CADM2: variants seen among roughly 807,000 people sequenced by gnomAD.
The protein encoded by CADM2 is immunoglobulin superfamily member 4D.
Under a neutral mutation model 49.8 loss-of-function variants are expected in CADM2, and 12 were observed. That is an observed-to-expected ratio of 0.24 (90% CI 0.15 to 0.39). The LOEUF is 0.39. Ranked by LOEUF, CADM2 falls within the 10% of genes least tolerant of loss-of-function variation. The pLI is 1.00. For synonymous variants in CADM2, 214 were observed against 175.4 expected (o/e 1.22, Z -1.74); for missense variants, 378 against 492.3 (o/e 0.77, Z 2.20).
intron 1 of CADM2, among the ~76,000 whole-genome samples, chr3:85,695,968 T>C (rs1202369968): frequency 6.6e-6 from 1 of 152,168 alleles, no homozygotes; most frequent in African/African-American, 2.4e-5. Flanking sequence ...AGATATTATA[T>C]AATTGTGTTT....
rs112987760 is a variant in CADM2 at position 85,295,422 on chromosome 3, G to A, written c.61+335754G>A. 4.4e-3 allele frequency among the ~76,000 whole-genome samples: 663 copies of A among 152,142 alleles called. 3 individuals are homozygous for A. Among genetic ancestry groups the A allele is most frequent in the African/African-American group, 0.014 (588 of 41,498 alleles). ...TCTAGAACTAGAAATACCATTTGACGCAGCCATCCCATTACTGGGTATATA... is the reference window on the plus strand; with the variant it reads ...TCTAGAACTAGAAATACCATTTGACACAGCCATCCCATTACTGGGTATATA... On this transcript the variant is annotated intron_variant, in intron 1 of 9. Coordinates refer to ENST00000383699, the MANE Select transcript of CADM2 (RefSeq NM_001167675.2).
At chr3:85,020,270 A>G (rs2034437710) in intron 1 of CADM2, among the ~76,000 whole-genome samples, 1 of 152,186 alleles carries the variant, frequency 6.6e-6, no homozygotes, top group South Asian at 2.1e-4. Flanking sequence ...GCCATCCAGT[A>G]CAGTCCTTTA....
chr3:85,654,390 A>C (rs1559572374), intron 1 of CADM2, among the ~76,000 whole-genome samples: 1 of 152,200 alleles, frequency 6.6e-6, no homozygotes, highest in African/African-American at 2.4e-5. Flanking sequence ...AGGAAAAAGT[A>C]TGCAGGGTTC....
intron 1 of CADM2, among the ~76,000 whole-genome samples, chr3:85,298,205 G>C (rs940454549): frequency 6.6e-6 from 1 of 152,062 alleles, no homozygotes; most frequent in African/African-American, 2.4e-5. Flanking sequence ...CCACTATGTT[G>C]ATGCTACTGA....
chr3:85,710,796 C>A (rs925311309), intron 1 of CADM2, among the ~76,000 whole-genome samples: 6 of 152,090 alleles, frequency 3.9e-5, no homozygotes, highest in Non-Finnish European at 2.9e-5. Flanking sequence ...TGAACAGTTG[C>A]AGTTTATGCT....
intron 8 of CADM2, among the ~76,000 whole-genome samples, chr3:86,004,674 C>T (rs1478752390): frequency 6.6e-6 from 1 of 152,092 alleles, no homozygotes; most frequent in African/African-American, 2.4e-5. Context: ...AAAAATTATC[C>T]CTGCTGCTGG....
intron 1 of CADM2, among the ~76,000 whole-genome samples, chr3:85,249,156 C>A (rs1262426894): frequency 1.3e-5 from 2 of 151,918 alleles, no homozygotes; most frequent in Non-Finnish European, 2.9e-5. Context: ...TGATTGCAAC[C>A]TAATATTTTC....
intron 1 of CADM2, among the ~76,000 whole-genome samples, chr3:85,321,030 A>T (rs2044584210): frequency 6.8e-6 from 1 of 146,416 alleles, no homozygotes; most frequent in Non-Finnish European, 1.5e-5. Context: ...TTTAAGTGAA[A>T]GAATAATTAG....
intron 1 of CADM2, among the ~76,000 whole-genome samples, chr3:85,545,138 G>C (rs1359224770): frequency 6.6e-6 from 1 of 152,156 alleles, no homozygotes; most frequent in Non-Finnish European, 1.5e-5. Flanking sequence ...GGGCTGGTAT[G>C]GGACTAATAA....
chr3:85,916,996 T>G (rs1325535836), intron 6 of CADM2, among the ~76,000 whole-genome samples: 1 of 152,180 alleles, frequency 6.6e-6, no homozygotes. Flanking sequence ...GTTCATATCC[T>G]TCGCCCACTT....
chr3:85,650,323 C>G (rs1205545726), intron 1 of CADM2, among the ~76,000 whole-genome samples: 1 of 152,002 alleles, frequency 6.6e-6, no homozygotes, highest in East Asian at 1.9e-4. Flanking sequence ...TTTGAACAGG[C>G]TTTAATAATA....
chr3:85,902,333 T>C (rs1348805197), intron 5 of CADM2, among the ~76,000 whole-genome samples: 1 of 152,056 alleles, frequency 6.6e-6, no homozygotes, highest in Non-Finnish European at 1.5e-5. Flanking sequence ...GTATAGTCAC[T>C]CTAGCTTTCT....
At chr3:85,604,911 A>G (rs777626121) in intron 1 of CADM2, among the ~76,000 whole-genome samples, 12 of 151,942 alleles carry the variant, frequency 7.9e-5, no homozygotes, top group Non-Finnish European at 1.6e-4. Flanking sequence ...CTCTTCATGG[A>G]AGCTTGCCTT....
chr3:85,367,936 CCTT>C (rs1395522672), intron 1 of CADM2, among the ~76,000 whole-genome samples: 1 of 151,624 alleles, frequency 6.6e-6, no homozygotes, highest in Non-Finnish European at 1.5e-5. Context: ...GACAATATGA[CCTT>C]CTCAAAAGTA....
At chr3:84,994,913 G>C (rs751852827) in intron 1 of CADM2, among the ~76,000 whole-genome samples, 4 of 151,900 alleles carry the variant, frequency 2.6e-5, no homozygotes, top group Non-Finnish European at 4.4e-5. Flanking sequence ...CTGTAACCCA[G>C]CTACTTGGGA....
At chr3:85,567,422 C>A (rs1296426526) in intron 1 of CADM2, among the ~76,000 whole-genome samples, 1 of 152,052 alleles carries the variant, frequency 6.6e-6, no homozygotes, top group Non-Finnish European at 1.5e-5. Context: ...ACCTTAAATT[C>A]TGTTTGTAAT....
intron 1 of CADM2, among the ~76,000 whole-genome samples, chr3:85,356,603 T>C (rs1211339001): frequency 6.6e-6 from 1 of 152,126 alleles, no homozygotes; most frequent in Non-Finnish European, 1.5e-5. Context: ...TCTCGAGTTA[T>C]GGGAAAGAGA....
intron 1 of CADM2, among the ~76,000 whole-genome samples, chr3:84,984,195 C>G (rs1038760952): frequency 6.6e-6 from 1 of 151,756 alleles, no homozygotes; most frequent in Non-Finnish European, 1.5e-5. Context: ...TGAACTGCCT[C>G]CCATATTTCT....
At chr3:85,185,182 T>C (rs911136040) in intron 1 of CADM2, among the ~76,000 whole-genome samples, 1 of 152,060 alleles carries the variant, frequency 6.6e-6, no homozygotes, top group Non-Finnish European at 1.5e-5. Context: ...CCTATCTTTT[T>C]TTGGCTGGGA....
Sources: allele counts gnomAD v4.1 joint callset (sites outside exome capture counted in the v4.1 genomes callset), GRCh38; gene constraint gnomAD v4.1.1; transcripts MANE v1.5; gene names NCBI Gene and HGNC (gene_info 2026-07-23, HGNC 2026-07-21).